The following STOX2 variants were observed in gnomAD, a reference collection of about 807,000 sequenced individuals.
The protein encoded by STOX2 is storkhead box 2.
In STOX2, 28 loss-of-function variants were observed where a neutral mutation model predicts 60.9. The ratio of observed to expected loss-of-function variants is 0.46; its 90% CI spans 0.34 to 0.63. STOX2 has a LOEUF of 0.63. Ranked by LOEUF, STOX2 falls within the 30% of genes least tolerant of loss-of-function variation. The pLI, the probability that STOX2 is intolerant of heterozygous loss-of-function variation, is 0.01. For missense variants in STOX2, 1,024 were observed against 1,187.7 expected (o/e 0.86, Z 2.03); for synonymous variants, 472 against 463.9 (o/e 1.02, Z -0.22).
At chr4:183,828,122 G>T (rs1449975584) in intron 1 of STOX2, among the ~76,000 whole-genome samples, 1 of 152,192 alleles carries the variant, frequency 6.6e-6, no homozygotes, top group Non-Finnish European at 1.5e-5. Flanking sequence ...ACCTGAAAAT[G>T]TTGTGTACTT....
At chr4:183,805,505 TAATCCACTTG>T (rs1439961897) in intron 1 of STOX2, among the ~76,000 whole-genome samples, 9 of 152,336 alleles carry the variant, frequency 5.9e-5, no homozygotes, top group African/African-American at 2.2e-4. Flanking sequence ...CAAGAGCTTT[TAATCCACTTG>T]AATCACAGTA....
chr4:183,911,403 C>T (rs1289097597), intron 1 of STOX2, among the ~76,000 whole-genome samples: 1 of 152,050 alleles, frequency 6.6e-6, no homozygotes, highest in Non-Finnish European at 1.5e-5. Flanking sequence ...CCCTCTTTGC[C>T]GAGATCCATT....
intron 1 of STOX2, among the ~76,000 whole-genome samples, chr4:183,922,769 C>T (rs1159261194): frequency 6.6e-6 from 1 of 152,140 alleles, no homozygotes; most frequent in Non-Finnish European, 1.5e-5. Flanking sequence ...TGAAACTCTG[C>T]ACCTATTACA....
chr4:183,854,633 G>C (rs1368846495), intron 1 of STOX2, among the ~76,000 whole-genome samples: 1 of 152,170 alleles, frequency 6.6e-6, no homozygotes, highest in African/African-American at 2.4e-5. Flanking sequence ...TAAAAATAGA[G>C]TTACATCCAT....
intron 1 of STOX2, among the ~76,000 whole-genome samples, chr4:183,988,101 C>T (rs1732929679): frequency 1.3e-5 from 2 of 151,860 alleles, no homozygotes; most frequent in Non-Finnish European, 2.9e-5. Flanking sequence ...CCACCCCGCG[C>T]CTGGGGTACA....
Position 184,001,725 on chromosome 4 carries a change from A to G in STOX2, c.319+248A>G. 6.6e-6 allele frequency among the ~76,000 whole-genome samples: 1 copy of G among 152,148 alleles called. No homozygotes were observed. ...AGAGGAAGAAATTAATTCAGAATCC[A>G]TGAAGAATCTGGCAAGAATGACCAG... On this transcript the variant is annotated intron_variant, in intron 2 of 3. Coordinates refer to ENST00000308497, the MANE Select transcript of STOX2 (RefSeq NM_020225.3). The surrounding 1 kb of genome is among the most constrained non-coding windows in gnomAD (Gnocchi z 4.2).
At chr4:183,945,884 A>G (rs930727964) in intron 1 of STOX2, among the ~76,000 whole-genome samples, 3 of 152,190 alleles carry the variant, frequency 2.0e-5, no homozygotes, top group Non-Finnish European at 4.4e-5. Context: ...CCTTTAGAAT[A>G]TATTTCTTTA....
At chr4:183,798,246 C>T (rs985386196) in intron 1 of STOX2, among the ~76,000 whole-genome samples, 1 of 151,318 alleles carries the variant, frequency 6.6e-6, no homozygotes, top group East Asian at 2.0e-4. Context: ...TTCCTGGCAC[C>T]GAAAGGAGGG....
At chr4:183,879,387 C>T (rs941095771) in intron 1 of STOX2, among the ~76,000 whole-genome samples, 1 of 152,236 alleles carries the variant, frequency 6.6e-6, no homozygotes, top group Non-Finnish European at 1.5e-5. Context: ...TGGCTCTATG[C>T]TGGCCTCACT....
intron 1 of STOX2, among the ~76,000 whole-genome samples, chr4:183,849,911 G>C (rs1411638382): frequency 6.6e-6 from 1 of 151,974 alleles, no homozygotes; most frequent in African/African-American, 2.4e-5. Flanking sequence ...ATGTTTTTCA[G>C]ATATAACCAG....
chr4:183,934,244 A>G (rs1448943192), intron 1 of STOX2, among the ~76,000 whole-genome samples: 1 of 152,188 alleles, frequency 6.6e-6, no homozygotes, highest in African/African-American at 2.4e-5. Flanking sequence ...CGGAGGTTGT[A>G]GTGAGCTGAG....
At chr4:183,991,877 A>C (rs1733121444) in intron 1 of STOX2, among the ~76,000 whole-genome samples, 1 of 152,202 alleles carries the variant, frequency 6.6e-6, no homozygotes, top group Non-Finnish European at 1.5e-5. Context: ...GAAAAAATTG[A>C]AACTCAAAAA....
At chr4:183,982,969 A>G (rs1166771750) in intron 1 of STOX2, among the ~76,000 whole-genome samples, 1 of 152,154 alleles carries the variant, frequency 6.6e-6, no homozygotes, top group African/African-American at 2.4e-5. Flanking sequence ...CTTTAATGCC[A>G]TTCTCCAGGT....
chr4:183,799,074 A>G (rs1032106502), intron 1 of STOX2, among the ~76,000 whole-genome samples: 2 of 152,214 alleles, frequency 1.3e-5, no homozygotes, highest in African/African-American at 2.4e-5. Flanking sequence ...CGCTGTTGCT[A>G]TGCCGCCTTC....
intron 1 of STOX2, among the ~76,000 whole-genome samples, chr4:183,978,221 AAT>A (rs1732516003): frequency 6.6e-6 from 1 of 152,216 alleles, no homozygotes; most frequent in African/African-American, 2.4e-5. Context: ...CTAGGATTTT[AAT>A]AGTTTCAGGT....
chr4:183,981,214 G>T (rs1179854989), intron 1 of STOX2, among the ~76,000 whole-genome samples: 1 of 152,060 alleles, frequency 6.6e-6, no homozygotes, highest in Non-Finnish European at 1.5e-5. Flanking sequence ...TGTAAATTTG[G>T]GAAAGTAATA....
intron 1 of STOX2, among the ~76,000 whole-genome samples, chr4:183,983,791 T>A (rs1257650775): frequency 6.6e-6 from 1 of 152,204 alleles, no homozygotes; most frequent in African/African-American, 2.4e-5. Flanking sequence ...TTTTTTTAAT[T>A]GATTAATTTT....
At chr4:183,969,185 A>G (rs1414544091) in intron 1 of STOX2, among the ~76,000 whole-genome samples, 2 of 152,254 alleles carry the variant, frequency 1.3e-5, no homozygotes, top group East Asian at 1.9e-4. Flanking sequence ...GATCATTAAG[A>G]ATGTAGTCTG....
chr4:183,951,784 T>C (rs1743103471), intron 1 of STOX2, among the ~76,000 whole-genome samples: 1 of 151,840 alleles, frequency 6.6e-6, no homozygotes, highest in Non-Finnish European at 1.5e-5. Flanking sequence ...ACTCAAAAAA[T>C]ACAAAAAAAT....
Sources: allele counts gnomAD v4.1 joint callset (sites outside exome capture counted in the v4.1 genomes callset), GRCh38; gene constraint gnomAD v4.1.1; non-coding constraint Gnocchi (gnomAD v3.1); transcripts MANE v1.5; gene names NCBI Gene and HGNC (gene_info 2026-07-23, HGNC 2026-07-21).